The following GNA14 variants were observed in gnomAD, a reference collection of about 807,000 sequenced individuals.
The protein encoded by GNA14 is guanine nucleotide-binding protein subunit alpha-14.
GNA14 carries 50 observed loss-of-function variants against 42.0 expected under a neutral mutation model. The observed-to-expected ratio is 1.19, with a 90% CI of 0.95 to 1.51. GNA14 has a LOEUF of 1.51. Among genes scored for constraint, GNA14 ranks in the 40% most tolerant of loss-of-function variants. The pLI is 0.00. For missense variants in GNA14, 473 were observed against 446.2 expected (o/e 1.06, Z -0.54); for synonymous variants, 173 against 163.1 (o/e 1.06, Z -0.46).
intron 4 of GNA14, among the ~76,000 whole-genome samples, chr9:77,430,467 C>A (rs1042608345): frequency 2.0e-5 from 3 of 152,196 alleles, no homozygotes; most frequent in African/African-American, 7.2e-5. Context: ...TAGAGAAATT[C>A]ATGGGCACAC....
At chr9:77,618,192 A>G (rs1482055829) in intron 1 of GNA14, among the ~76,000 whole-genome samples, 2 of 152,086 alleles carry the variant, frequency 1.3e-5, no homozygotes, top group African/African-American at 2.4e-5. Flanking sequence ...CTTTCTGAAA[A>G]TCTTCTCTCA....
At chr9:77,535,153 C>T (rs1240129056) in intron 1 of GNA14, among the ~76,000 whole-genome samples, 1 of 152,254 alleles carries the variant, frequency 6.6e-6, no homozygotes, top group Non-Finnish European at 1.5e-5. Context: ...TGCTTGGCCC[C>T]AGAGAACTCA....
chr9:77,511,974 T>C (rs975067722), intron 2 of GNA14, among the ~76,000 whole-genome samples: 1 of 152,174 alleles, frequency 6.6e-6, no homozygotes, highest in African/African-American at 2.4e-5. Context: ...TGTGCCGCCA[T>C]GGGCTCCGTA....
intron 2 of GNA14, among the ~76,000 whole-genome samples, chr9:77,452,967 C>T (rs1835941991): frequency 6.6e-6 from 1 of 151,786 alleles, no homozygotes; most frequent in African/African-American, 2.4e-5. Context: ...TTCCCTCATC[C>T]CTAAAAACAA....
intron 2 of GNA14, among the ~76,000 whole-genome samples, chr9:77,490,668 C>T (rs577889929): frequency 6.4e-4 from 97 of 152,330 alleles, no homozygotes; most frequent in East Asian, 2.3e-3. Context: ...GCCGGCCGGC[C>T]GCTCCGAGTG....
chr9:77,440,854 T>C (rs1324680337), intron 2 of GNA14, among the ~76,000 whole-genome samples: 1 of 152,104 alleles, frequency 6.6e-6, no homozygotes, highest in South Asian at 2.1e-4. Flanking sequence ...TAGCTGGGAT[T>C]ACAGGTGCCC....
chr9:77,604,551 A>T (rs771504201), intron 1 of GNA14, among the ~76,000 whole-genome samples: 1 of 152,184 alleles, frequency 6.6e-6, no homozygotes, highest in Non-Finnish European at 1.5e-5. Context: ...CTGAAAACAC[A>T]GTAAGATAAA....
intron 1 of GNA14, among the ~76,000 whole-genome samples, chr9:77,589,820 A>G (rs932369766): frequency 3.9e-5 from 6 of 152,198 alleles, no homozygotes; most frequent in Admixed American, 2.6e-4. Flanking sequence ...AAAACAACAC[A>G]CTATAAACTA....
At chr9:77,615,538 G>A (rs1358963585) in intron 1 of GNA14, among the ~76,000 whole-genome samples, 1 of 151,902 alleles carries the variant, frequency 6.6e-6, no homozygotes, top group Non-Finnish European at 1.5e-5. Context: ...GATCACCAAG[G>A]AGATGGGAAC....
chr9:77,512,547 G>A (rs1202840300), intron 2 of GNA14, among the ~76,000 whole-genome samples: 10 of 152,020 alleles, frequency 6.6e-5, no homozygotes, highest in African/African-American at 2.4e-4. Context: ...CCATTCAAAG[G>A]TAATCATTTT....
intron 1 of GNA14, among the ~76,000 whole-genome samples, chr9:77,575,867 G>A (rs572512456): frequency 1.6e-4 from 24 of 152,294 alleles, no homozygotes; most frequent in African/African-American, 5.3e-4. Flanking sequence ...TTAACAAGAA[G>A]ACAAGTATAA....
intron 2 of GNA14, among the ~76,000 whole-genome samples, chr9:77,519,871 A>G (rs988074534): frequency 6.6e-6 from 1 of 152,018 alleles, no homozygotes; most frequent in Non-Finnish European, 1.5e-5. Context: ...TTAGCCAGGC[A>G]TGGTGGTATA....
chr9:77,445,552 G>GA (rs762651584), intron 2 of GNA14, among the ~76,000 whole-genome samples: 5,668 of 55,948 alleles, frequency 0.1, 222 homozygotes, highest in East Asian at 0.2. Context: ...TCTCTAAGAA[G>GA]AAAAAAAAAA....
chr9:77,544,610 C>A (rs114471315), intron 1 of GNA14, among the ~76,000 whole-genome samples: 1 of 144,274 alleles, frequency 6.9e-6, no homozygotes. Flanking sequence ...GGCTAAAGCA[C>A]GAGAATCACT....
At chr9:77,626,836 AG>A (rs1361991508) in intron 1 of GNA14, among the ~76,000 whole-genome samples, 1 of 152,202 alleles carries the variant, frequency 6.6e-6, no homozygotes. Context: ...TAGAGAAGCA[AG>A]AGCTAACAAA....
At chr9:77,646,861 G>C (rs1157334575) in intron 1 of GNA14, among the ~76,000 whole-genome samples, 3 of 152,226 alleles carry the variant, frequency 2.0e-5, no homozygotes, top group South Asian at 2.1e-4. Context: ...TTCTGTGTTT[G>C]AAAGTGGATG....
At chr9:77,462,880 C>A (rs957355326) in intron 2 of GNA14, among the ~76,000 whole-genome samples, 1 of 152,154 alleles carries the variant, frequency 6.6e-6, no homozygotes, top group African/African-American at 2.4e-5. Flanking sequence ...TCCCCAGATG[C>A]CCAGTCACCA....
intron 1 of GNA14, among the ~76,000 whole-genome samples, chr9:77,624,997 A>C (rs544408132): frequency 6.6e-6 from 1 of 152,116 alleles, no homozygotes; most frequent in South Asian, 2.1e-4. Context: ...CAAAGAACCT[A>C]AGAACCTTGA....
At chr9:77,622,618 C>T (rs1466862172) in intron 1 of GNA14, among the ~76,000 whole-genome samples, 2 of 151,090 alleles carry the variant, frequency 1.3e-5, no homozygotes, top group Admixed American at 1.3e-4. Flanking sequence ...AATACAAAAA[C>T]ATTCATGCCT....
Sources: allele counts gnomAD v4.1 joint callset (sites outside exome capture counted in the v4.1 genomes callset), GRCh38; gene constraint gnomAD v4.1.1; transcripts MANE v1.5; gene names NCBI Gene and HGNC (gene_info 2026-07-23, HGNC 2026-07-21).